Variants in GAP43 observed in about 807,000 individuals in gnomAD.
GAP43 encodes the protein growth associated protein 43.
In GAP43, 6 loss-of-function variants were observed where a neutral mutation model predicts 18.6. That is an observed-to-expected ratio of 0.32 (90% CI 0.18 to 0.64). GAP43 has a LOEUF of 0.64. GAP43 is among the 30% of genes least tolerant of loss of function. The pLI, the probability that GAP43 is intolerant of heterozygous loss-of-function variation, is 0.78. For missense variants in GAP43, 292 were observed against 295.5 expected (o/e 0.99, Z 0.09); for synonymous variants, 115 against 111.4 (o/e 1.03, Z -0.20).
intron 1 of GAP43, among the ~76,000 whole-genome samples, chr3:115,656,444 G>C (rs1420964986): frequency 6.6e-6 from 1 of 152,042 alleles, no homozygotes; most frequent in African/African-American, 2.4e-5. Context: ...AGGCTCCCTC[G>C]ACCAGCATCT....
chr3:115,666,986 G>C (rs1271673656), intron 1 of GAP43, among the ~76,000 whole-genome samples: 1 of 152,164 alleles, frequency 6.6e-6, no homozygotes, highest in Non-Finnish European at 1.5e-5. Flanking sequence ...CTGCTGGAGA[G>C]TGGCGTGATG....
At position 115,676,505 on chromosome 3, in the gene GAP43, A is replaced by ACTG. The variant is rs763241062; in HGVS notation, c.534_536dup (p.Ala179dup). 8.1e-6 allele frequency: 13 copies of ACTG among 1,613,682 alleles called. No homozygotes were observed. In the Admixed American group the frequency reaches 1.5e-4, roughly 19 times the overall value. ...ACAAGCCGATGTGCCTGCTGCTGTC[A>ACTG]CTGCTGCTGCTGCCACCACCCCTGC... On this transcript the variant is annotated inframe_insertion, in exon 2 of 3. Transcript: ENST00000305124.
intron 2 of GAP43, among the ~76,000 whole-genome samples, chr3:115,717,018 T>G (rs188171385): frequency 6.6e-6 from 1 of 152,034 alleles, no homozygotes; most frequent in Admixed American, 6.6e-5. Context: ...ACTGAACAAA[T>G]AGACCTGAGT....
chr3:115,627,226 A>G (rs1273326019), intron 1 of GAP43, among the ~76,000 whole-genome samples: 1 of 148,422 alleles, frequency 6.7e-6, no homozygotes, highest in African/African-American at 2.5e-5. Context: ...TGGTGACTCT[A>G]TAATTCCTTC....
At chr3:115,710,349 A>G (rs553165242) in intron 2 of GAP43, among the ~76,000 whole-genome samples, 1 of 152,256 alleles carries the variant, frequency 6.6e-6, no homozygotes, top group African/African-American at 2.4e-5. Context: ...AATAAGTGTT[A>G]AAATCAAATT....
intron 1 of GAP43, among the ~76,000 whole-genome samples, chr3:115,660,073 C>T (rs184937718): frequency 6.6e-6 from 1 of 152,230 alleles, no homozygotes; most frequent in East Asian, 1.9e-4. Context: ...TTTGTTACTG[C>T]ATTCTGAGAG....
intron 1 of GAP43, among the ~76,000 whole-genome samples, chr3:115,666,540 C>T (rs1350205498): frequency 1.3e-5 from 2 of 152,070 alleles, no homozygotes; most frequent in African/African-American, 2.4e-5. Flanking sequence ...AGCAGCCACC[C>T]CTTTCTGAGT....
chr3:115,680,331 C>T (rs1244397746), intron 2 of GAP43, among the ~76,000 whole-genome samples: 1 of 152,044 alleles, frequency 6.6e-6, no homozygotes, highest in Non-Finnish European at 1.5e-5. Flanking sequence ...TGGTGTGTGC[C>T]TGAGGTCCCA....
At chr3:115,640,576 T>C (rs1708383111) in intron 1 of GAP43, among the ~76,000 whole-genome samples, 1 of 152,122 alleles carries the variant, frequency 6.6e-6, no homozygotes. Context: ...GACTCCTCAA[T>C]TGATGTACAC....
chr3:115,720,400 G>A (rs1320565582), intron 2 of GAP43, among the ~76,000 whole-genome samples: 2 of 152,096 alleles, frequency 1.3e-5, no homozygotes, highest in Non-Finnish European at 2.9e-5. Context: ...ATGATCGATG[G>A]TCCACATAAA....
chr3:115,646,715 C>A (rs909861494), intron 1 of GAP43, among the ~76,000 whole-genome samples: 1 of 151,982 alleles, frequency 6.6e-6, no homozygotes, highest in Non-Finnish European at 1.5e-5. Flanking sequence ...ATTGTCATTT[C>A]TTATGGAGAA....
At chr3:115,698,051 T>A (rs892678476) in intron 2 of GAP43, among the ~76,000 whole-genome samples, 14 of 49,798 alleles carry the variant, frequency 2.8e-4, no homozygotes, top group African/African-American at 1.8e-3. Context: ...TATTATATAT[T>A]ATATAAAATA....
chr3:115,710,895 C>G (rs1053019940), intron 2 of GAP43, among the ~76,000 whole-genome samples: 1 of 152,074 alleles, frequency 6.6e-6, no homozygotes, highest in Non-Finnish European at 1.5e-5. Flanking sequence ...TGAAACCAAA[C>G]TATCAGCTTC....
chr3:115,671,058 G>T (rs1708810014), intron 1 of GAP43, among the ~76,000 whole-genome samples: 1 of 152,172 alleles, frequency 6.6e-6, no homozygotes, highest in Admixed American at 6.5e-5. Flanking sequence ...TGCTTGGAAG[G>T]TTGAGGCATT....
chr3:115,681,784 G>A (rs917242029), intron 2 of GAP43, among the ~76,000 whole-genome samples: 10 of 152,328 alleles, frequency 6.6e-5, no homozygotes, highest in South Asian at 2.1e-4. Context: ...TAACCACTCT[G>A]TGGTAGTAAT....
intron 1 of GAP43, among the ~76,000 whole-genome samples, chr3:115,651,037 T>G (rs1299055055): frequency 6.6e-6 from 1 of 151,874 alleles, no homozygotes; most frequent in Non-Finnish European, 1.5e-5. Flanking sequence ...GAGGCTGAGG[T>G]GGGAGGATTG....
chr3:115,698,141 ATATATATT>A (rs1559804289), intron 2 of GAP43, among the ~76,000 whole-genome samples: 517 of 10,052 alleles, frequency 0.051, 31 homozygotes, highest in African/African-American at 0.11. Flanking sequence ...AATATATATA[ATATATATT>A]ATATATAATA....
intron 2 of GAP43, among the ~76,000 whole-genome samples, chr3:115,711,513 C>G (rs202203950): frequency 4.5e-5 from 6 of 132,602 alleles, no homozygotes; most frequent in African/African-American, 1.5e-4. Flanking sequence ...ACACACACAC[C>G]CCCCTACAGA....
chr3:115,681,272 A>G (rs1173209620), intron 2 of GAP43, among the ~76,000 whole-genome samples: 1 of 152,196 alleles, frequency 6.6e-6, no homozygotes, highest in Non-Finnish European at 1.5e-5. Flanking sequence ...GACAAAGTAA[A>G]TGGATATTCT....
Sources: gnomAD v4.1 joint callset for allele counts (sites outside exome capture counted in the v4.1 genomes callset) on GRCh38, gnomAD v4.1.1 for gene constraint, MANE v1.5 for transcripts, NCBI Gene and HGNC (gene_info 2026-07-23, HGNC 2026-07-21) for gene names.